The following RUBCNL variants were observed in gnomAD, a reference collection of about 807,000 sequenced individuals.
RUBCNL encodes protein associated with UVRAG as autophagy enhancer.
RUBCNL carries 62 observed loss-of-function variants against 69.5 expected under a neutral mutation model. That is an observed-to-expected ratio of 0.89 (90% confidence interval 0.73 to 1.10). RUBCNL has a LOEUF of 1.10. Ranked by LOEUF, RUBCNL falls within the 50% of genes least tolerant of loss-of-function variation. The pLI is 0.00. For missense variants in RUBCNL, 768 were observed against 798.1 expected (o/e 0.96, Z 0.45); for synonymous variants, 291 against 303.6 (o/e 0.96, Z 0.43).
intron 10 of RUBCNL, among the ~76,000 whole-genome samples, chr13:46,352,280 C>T (rs939843682): frequency 6.6e-6 from 1 of 152,226 alleles, no homozygotes; most frequent in Admixed American, 6.5e-5. Flanking sequence ...CAGTTGAAGT[C>T]TTCTATGTGC....
rs571915889 is a variant in RUBCNL, at chr13:46,355,907, G to C, written c.1330+525C>G. On this transcript the variant is annotated intron_variant, in intron 10 of 14. Coordinates refer to ENST00000429979, the MANE Select transcript of RUBCNL (RefSeq NM_025113.5). Reference sequence around the variant, plus strand: ...CTGTGCTAAGAATACAAAATAAGAAGGAACTTCTAAGAAAATATTGTGCAA... The same window carrying C: ...CTGTGCTAAGAATACAAAATAAGAACGAACTTCTAAGAAAATATTGTGCAA... 2.6e-5 allele frequency among the ~76,000 whole-genome samples: 4 copies of C among 152,022 alleles called. No individual in the cohort carries two copies. In the East Asian group the frequency reaches 7.7e-4, roughly 29 times the overall value.
chr13:46,387,972 G>A, upstream of RUBCNL: 1 of 460,710 alleles, frequency 2.2e-6, no homozygotes, highest in Non-Finnish European at 2.9e-6. Flanking sequence ...CCTACTTTGG[G>A]AGGCCAAGTC....
At chr13:46,387,300 A>G (rs2049272957), upstream of RUBCNL, 1 of 985,188 alleles carries the variant, frequency 1.0e-6, no homozygotes, top group African/African-American at 1.7e-5. Context: ...CGACGCCGCC[A>G]CGCCCCCCGC....
chr13:46,383,955 T>C (rs1319715720), intron 1 of RUBCNL, among the ~76,000 whole-genome samples: 1 of 152,190 alleles, frequency 6.6e-6, no homozygotes, highest in African/African-American at 2.4e-5. Flanking sequence ...GAACAGAAGA[T>C]CTTTAAATCT....
chr13:46,354,179 A>C (rs951190233), intron 10 of RUBCNL, among the ~76,000 whole-genome samples: 1 of 152,204 alleles, frequency 6.6e-6, no homozygotes, highest in Non-Finnish European at 1.5e-5. Flanking sequence ...TGTCATGTTC[A>C]GTGTGTGGAA....
In RUBCNL at chr13:46,369,216, TTTC is replaced by T. The variant is rs1046971825; in HGVS notation, c.536-404_536-402del. On this transcript the variant is annotated intron_variant, in intron 3 of 14. Transcript: ENST00000429979. ...TCATTGTGATTGATCTTAAACTTCC[TTTC>T]TTCTTCTTCTTTTGAGACAATATCT... Among the ~76,000 whole-genome samples, 16 of 152,258 alleles carry T rather than the reference TTTC, an allele frequency of 1.1e-4. No individual in the cohort carries two copies. In the Middle Eastern group the frequency reaches 0.01, roughly 97 times the overall value.
chr13:46,365,045 G>GTAATCCCAGCAATT (rs2048719435), intron 5 of RUBCNL, among the ~76,000 whole-genome samples: 1 of 152,058 alleles, frequency 6.6e-6, no homozygotes, highest in African/African-American at 2.4e-5. Flanking sequence ...GCTCGTGCCT[G>GTAATCCCAGCAATT]TAATCCCAGC....
rs138179590 is a variant in RUBCNL, at chr13:46,338,971, G to C, written c.*4414C>G. 6.6e-6 allele frequency among the ~76,000 whole-genome samples: 1 copy of C among 151,800 alleles called. No homozygotes were observed. The highest frequency in any genetic ancestry group is 1.5e-5 in the Non-Finnish European group (1 of 67,970). ...CTGAGGCAGGAAAATCGCTTGAACC[G>C]GGAAGCAGAGGCTGCAGTGAACTGA... is the stretch of plus-strand genomic sequence containing the variant. On this transcript the variant is annotated 3_prime_UTR_variant, in exon 15 of 15. Coordinates refer to ENST00000429979, the MANE Select transcript of RUBCNL (RefSeq NM_025113.5).
Position 46,343,131 on chromosome 13 carries a change from TA to T in RUBCNL, c.*253del. The stretch of plus-strand genomic sequence containing the variant: ...ACATAACTATTCAAATACAAAAGTA[TA>T]AAAAACCTCTTTAAAAAACCAATAG... On this transcript the variant is annotated 3_prime_UTR_variant, in exon 15 of 15. Coordinates refer to ENST00000429979, the MANE Select transcript of RUBCNL (RefSeq NM_025113.5). 1.8e-6 allele frequency: 1 copy of T among 562,822 alleles called. No individual in the cohort carries two copies. Among genetic ancestry groups the T allele is most frequent in the South Asian group, 2.9e-5 (1 of 35,050 alleles). 34.9% of individuals were successfully genotyped at this position (562,822 alleles called of 1,614,324 possible).
At position 46,344,446 on chromosome 13, in the gene RUBCNL, TACAAG is replaced by T. The variant is rs371178132; in HGVS notation, c.1876+290_1876+294del. Among the ~76,000 whole-genome samples the T allele has an allele frequency of 1.2e-4, 19 of 152,218 alleles. No homozygotes were observed. The East Asian group carries it at 3.5e-3, about 28-fold the overall frequency. On this transcript the variant is annotated intron_variant, in intron 14 of 14. Coordinates refer to ENST00000429979, the MANE Select transcript of RUBCNL (RefSeq NM_025113.5). ...CACCACTGGGCATGAATGATCCAAT[TACAAG>T]ACAGAGAGGTGGGCACAGGCAACAA...
chr13:46,387,643 G>C, upstream of RUBCNL: 1 of 985,598 alleles, frequency 1.0e-6, no homozygotes, highest in Non-Finnish European at 1.2e-6. Flanking sequence ...GAGTAATCTG[G>C]ATGAGTCGGC....
chr13:46,364,396 CA>C (rs577189836), intron 5 of RUBCNL, among the ~76,000 whole-genome samples: 3 of 148,360 alleles, frequency 2.0e-5, no homozygotes, highest in Non-Finnish European at 1.5e-5. Context: ...GACTCCATCT[CA>C]AAAAAAAAAG....
At chr13:46,368,495 T>A (rs532670255) in intron 4 of RUBCNL, 1 of 985,214 alleles carries the variant, frequency 1.0e-6, no homozygotes, top group Non-Finnish European at 1.2e-6. Context: ...AAACCTTAGG[T>A]TGGGGGAAGC....
intron 1 of RUBCNL, among the ~76,000 whole-genome samples, chr13:46,382,594 A>G (rs2049142328): frequency 6.6e-6 from 1 of 152,228 alleles, no homozygotes; most frequent in African/African-American, 2.4e-5. Context: ...GTGCAGTGGC[A>G]TGATCTCAGT....
intron 4 of RUBCNL, 50 bp downstream of exon 4, chr13:46,368,683 A>C: frequency 6.7e-7 from 1 of 1,489,966 alleles, no homozygotes; most frequent in South Asian, 1.2e-5. Flanking sequence ...GAACAACACT[A>C]TCTAAAGGAT....
Position 46,336,685 on chromosome 13 carries a change from G to T in RUBCNL, c.*6700C>A, listed in dbSNP as rs2048107054. Among the ~76,000 whole-genome samples, 2 of 152,152 alleles carry T rather than the reference G, an allele frequency of 1.3e-5. No homozygotes were observed. Among genetic ancestry groups the T allele is most frequent in the South Asian group, 4.1e-4 (2 of 4,828 alleles). On this transcript the variant is annotated 3_prime_UTR_variant, in exon 15 of 15. Transcript: ENST00000429979. ...ACTACTGAATTTAGATATTGCTAGT[G>T]ACCTTGACGGTTTGGGTAGAATGGT...
intron 13 of RUBCNL, 127 bp from the exon 14 acceptor site, chr13:46,344,958 T>G (rs1016415357): frequency 3.2e-6 from 2 of 622,100 alleles, no homozygotes; most frequent in Admixed American, 3.1e-5. Flanking sequence ...AGGAAAAGGA[T>G]GTTGTTTTGC....
chr13:46,387,033 TTCCACCA>T (rs1253030113), intron 1 of RUBCNL, 94 bp downstream of exon 1: 1 of 941,028 alleles, frequency 1.1e-6, no homozygotes, highest in Non-Finnish European at 1.3e-6. Flanking sequence ...CTGGCGCCAC[TTCCACCA>T]TCCAACCTCT....
chr13:46,375,614 AG>A (rs2048975516), intron 2 of RUBCNL, among the ~76,000 whole-genome samples: 1 of 152,238 alleles, frequency 6.6e-6, no homozygotes, highest in South Asian at 2.1e-4. Context: ...TTACTCATGT[AG>A]GAATAGAAGT....
Sources: gnomAD v4.1 joint callset for allele counts (sites outside exome capture counted in the v4.1 genomes callset) on GRCh38, gnomAD v4.1.1 for gene constraint, MANE v1.5 for transcripts, NCBI Gene and HGNC (gene_info 2026-07-23, HGNC 2026-07-21) for gene names.